The following SCARA5 variants were observed in gnomAD, a reference collection of about 807,000 sequenced individuals.
SCARA5 encodes scavenger receptor class A, member 5 (putative).
In SCARA5, 45 loss-of-function variants were observed where a neutral mutation model predicts 46.3. The observed-to-expected ratio is 0.97, with a 90% confidence interval of 0.76 to 1.24. The LOEUF (loss-of-function observed/expected upper bound fraction) is 1.24, where lower values mean the gene tolerates loss of function less well. Ranked by LOEUF, SCARA5 falls within the 50% of genes most tolerant of loss-of-function variation. The pLI, the probability that SCARA5 is intolerant of heterozygous loss-of-function variation, is 0.00. For missense variants in SCARA5, 680 were observed against 689.0 expected (o/e 0.99, Z 0.15); for synonymous variants, 333 against 306.5 (o/e 1.09, Z -0.90).
intron 7 of SCARA5, among the ~76,000 whole-genome samples, chr8:27,890,192 A>G (rs1319976089): frequency 2.0e-5 from 3 of 152,212 alleles, no homozygotes; most frequent in Non-Finnish European, 4.4e-5. Flanking sequence ...CTCAGTTAGA[A>G]ATGAGGAAAC....
At chr8:27,935,632 G>A (rs1244444761) in intron 3 of SCARA5, among the ~76,000 whole-genome samples, 2 of 152,146 alleles carry the variant, frequency 1.3e-5, no homozygotes, top group Admixed American at 6.5e-5. Flanking sequence ...CCCAGGGAGC[G>A]GGAGAGGGCT....
intron 7 of SCARA5, among the ~76,000 whole-genome samples, chr8:27,893,189 T>C (rs1807014034): frequency 6.6e-6 from 1 of 152,158 alleles, no homozygotes; most frequent in African/African-American, 2.4e-5. Flanking sequence ...TCCTAACTTC[T>C]GTTCTCCCCA....
At chr8:27,930,467 A>C (rs2727013) in intron 3 of SCARA5, among the ~76,000 whole-genome samples, 38,887 of 150,992 alleles carry the variant, frequency 0.26, 5,680 homozygotes, top group Non-Finnish European at 0.33. Context: ...CAATGGCGCG[A>C]TCTCGGCTCA....
rs190182349 is a variant in SCARA5, at chr8:27,916,385, G to A, written c.916+5186C>T. Among the ~76,000 whole-genome samples, 9 of 148,322 alleles carry A rather than the reference G, an allele frequency of 6.1e-5. No individual in the cohort carries two copies. The Admixed American group carries it at 6.1e-4, about 10-fold the overall frequency. ...TGCATGTGTGTGTACATGCACATTT[G>A]TATGTGCATATGTATACGTATATGT... On this transcript the variant is annotated intron_variant, in intron 4 of 8. Coordinates refer to ENST00000354914, the MANE Select transcript of SCARA5 (RefSeq NM_173833.6).
intron 1 of SCARA5, among the ~76,000 whole-genome samples, chr8:27,990,273 C>A (rs1334717787): frequency 1.3e-5 from 2 of 152,164 alleles, no homozygotes; most frequent in African/African-American, 2.4e-5. Flanking sequence ...AAAGCTCAGA[C>A]AACTCTACTC....
chr8:27,918,308 C>G (rs1807499872), intron 4 of SCARA5, among the ~76,000 whole-genome samples: 1 of 152,134 alleles, frequency 6.6e-6, no homozygotes, highest in South Asian at 2.1e-4. Context: ...CTTAAACCAC[C>G]TCATAGATTC....
intron 7 of SCARA5, among the ~76,000 whole-genome samples, chr8:27,900,874 C>T (rs7002838): frequency 2.1e-5 from 3 of 144,450 alleles, no homozygotes; most frequent in Admixed American, 7.2e-5. Flanking sequence ...CTGAAAAAAA[C>T]CTTTATCTCT....
intron 7 of SCARA5, chr8:27,904,345 T>A: frequency 8.0e-6 from 2 of 250,702 alleles, no homozygotes; most frequent in Admixed American, 9.8e-5. Context: ...TTACACAGAA[T>A]AATAATCACA....
chr8:27,882,235 T>C (rs1216938607), intron 7 of SCARA5, among the ~76,000 whole-genome samples: 1 of 152,226 alleles, frequency 6.6e-6, no homozygotes, highest in Admixed American at 6.5e-5. Flanking sequence ...TCCTTTCTTT[T>C]TAGGACTGAA....
intron 8 of SCARA5, among the ~76,000 whole-genome samples, chr8:27,879,345 C>G (rs1008653532): frequency 6.6e-6 from 1 of 152,098 alleles, no homozygotes; most frequent in African/African-American, 2.4e-5. Flanking sequence ...CAGGACAGGA[C>G]TTAGATCCAC....
At chr8:27,887,033 G>A (rs566142152) in intron 7 of SCARA5, among the ~76,000 whole-genome samples, 12 of 152,298 alleles carry the variant, frequency 7.9e-5, no homozygotes, top group Non-Finnish European at 1.8e-4. Flanking sequence ...AGGGATTCTT[G>A]ATTGTGTGAA....
At chr8:27,968,406 A>T (rs1808400962) in intron 2 of SCARA5, among the ~76,000 whole-genome samples, 1 of 152,260 alleles carries the variant, frequency 6.6e-6, no homozygotes, top group Admixed American at 6.5e-5. Context: ...AAGACAAAAT[A>T]GAGCACATCT....
intron 7 of SCARA5, among the ~76,000 whole-genome samples, chr8:27,894,105 C>T (rs1262417200): frequency 2.0e-5 from 3 of 152,236 alleles, no homozygotes; most frequent in African/African-American, 7.2e-5. Flanking sequence ...GAGGTCCCGT[C>T]GTGCACAGGC....
chr8:27,951,353 G>A (rs1490058616), intron 3 of SCARA5, among the ~76,000 whole-genome samples: 9 of 152,154 alleles, frequency 5.9e-5, no homozygotes, highest in African/African-American at 9.7e-5. Context: ...AAAACTGATC[G>A]GCGCCAATGG....
chr8:27,975,866 C>G (rs899287947), intron 2 of SCARA5, among the ~76,000 whole-genome samples: 1 of 152,126 alleles, frequency 6.6e-6, no homozygotes, highest in Non-Finnish European at 1.5e-5. Context: ...ACACCCACTT[C>G]TAAGTACAGG....
At chr8:27,895,749 G>T (rs534019444) in intron 7 of SCARA5, among the ~76,000 whole-genome samples, 1 of 152,264 alleles carries the variant, frequency 6.6e-6, no homozygotes, top group African/African-American at 2.4e-5. Flanking sequence ...TGGGTAGAAG[G>T]AGCAACAGAA....
chr8:27,936,038 T>A (rs1467059225), intron 3 of SCARA5, among the ~76,000 whole-genome samples: 4 of 152,130 alleles, frequency 2.6e-5, no homozygotes, highest in Non-Finnish European at 5.9e-5. Context: ...TTCTCCCAGA[T>A]GCCTATGCCC....
chr8:27,917,575 C>G (rs61646435), intron 4 of SCARA5, among the ~76,000 whole-genome samples: 2,285 of 152,236 alleles, frequency 0.015, 58 homozygotes, highest in African/African-American at 0.051. Flanking sequence ...ACCAGGCAGA[C>G]CCAATTTAGA....
intron 3 of SCARA5, among the ~76,000 whole-genome samples, chr8:27,936,005 A>G (rs1807849218): frequency 6.6e-6 from 1 of 152,108 alleles, no homozygotes; most frequent in Non-Finnish European, 1.5e-5. Flanking sequence ...CATAAGATAA[A>G]TATTTACAGG....
Sources: gnomAD v4.1 joint callset for allele counts (sites outside exome capture counted in the v4.1 genomes callset) on GRCh38, gnomAD v4.1.1 for gene constraint, MANE v1.5 for transcripts, NCBI Gene and HGNC (gene_info 2026-07-23, HGNC 2026-07-21) for gene names.